The following AUTS2 variants were observed in gnomAD, a reference collection of about 807,000 sequenced individuals.
AUTS2 encodes autism susceptibility gene 2 protein.
AUTS2 carries 17 observed loss-of-function variants against 112.4 expected under a neutral mutation model. That is an observed-to-expected ratio of 0.15 (90% CI 0.10 to 0.23). The LOEUF (loss-of-function observed/expected upper bound fraction) is 0.23, where lower values mean the gene tolerates loss of function less well. Ranked by LOEUF, AUTS2 falls within the 10% of genes least tolerant of loss-of-function variation. AUTS2 has a pLI of 1.00. For synonymous variants in AUTS2, 751 were observed against 702.7 expected, an observed-to-expected ratio of 1.07 and a Z score of -1.09; for missense variants, 1,510 against 1,701.6, an observed-to-expected ratio of 0.89 and a Z score of 1.98.
chr7:70,488,195 T>C (rs1315369745), intron 5 of AUTS2, among the ~76,000 whole-genome samples: 1 of 152,162 alleles, frequency 6.6e-6, no homozygotes, highest in East Asian at 1.9e-4. Context: ...GGAGAGTCGC[T>C]TCATAAGCCC....
intron 5 of AUTS2, among the ~76,000 whole-genome samples, chr7:70,506,332 T>C (rs1057141067): frequency 2.6e-5 from 4 of 152,214 alleles, no homozygotes; most frequent in African/African-American, 9.6e-5. Flanking sequence ...GATGCCCTTA[T>C]GGCAGCGCTT....
Position 69,734,248 on chromosome 7 carries a change from G to C in AUTS2, c.309+134286G>C, listed in dbSNP as rs73706010. On this transcript the variant is annotated intron_variant, in intron 1 of 18. Coordinates refer to ENST00000342771, the MANE Select transcript of AUTS2 (RefSeq NM_015570.4). ...CTTGAAAATTAATTTCCCATTTTCAGCTTAAAACGAAGAGCTCTTCCACGT... is the reference window on the plus strand; with the variant it reads ...CTTGAAAATTAATTTCCCATTTTCACCTTAAAACGAAGAGCTCTTCCACGT... Among the ~76,000 whole-genome samples the C allele has an allele frequency of 3.6e-3, 549 of 151,998 alleles. 6 individuals carry two copies. The highest frequency in any genetic ancestry group is 0.012 in the African/African-American group (509 of 41,468).
At chr7:70,235,962 C>G (rs1158542290) in intron 4 of AUTS2, among the ~76,000 whole-genome samples, 2 of 152,182 alleles carry the variant, frequency 1.3e-5, no homozygotes, top group Non-Finnish European at 2.9e-5. Context: ...CTTTGACCAC[C>G]CTCTGTAAAA....
chr7:70,695,033 C>T (rs966142068), intron 5 of AUTS2: 1 of 152,242 alleles, frequency 6.6e-6, no homozygotes, highest in Non-Finnish European at 1.5e-5. Flanking sequence ...ACCGTTTAAC[C>T]CTTTGCAACC....
At chr7:70,566,663 C>T (rs188615344) in intron 5 of AUTS2, among the ~76,000 whole-genome samples, 1 of 152,082 alleles carries the variant, frequency 6.6e-6, no homozygotes, top group Admixed American at 6.5e-5. Flanking sequence ...TTAGCATGTC[C>T]AAAATATTGA....
chr7:69,955,714 C>T (rs1797184806), intron 2 of AUTS2, among the ~76,000 whole-genome samples: 1 of 152,134 alleles, frequency 6.6e-6, no homozygotes, highest in Non-Finnish European at 1.5e-5. Context: ...GGCCTCAATT[C>T]CCTGTATGGC....
chr7:70,298,445 A>G (rs997098446), intron 4 of AUTS2, among the ~76,000 whole-genome samples: 1 of 152,304 alleles, frequency 6.6e-6, no homozygotes, highest in South Asian at 2.1e-4. Flanking sequence ...ACCACCTTTC[A>G]GTACTTTAAC....
At chr7:70,622,891 G>A (rs951807377) in intron 5 of AUTS2, among the ~76,000 whole-genome samples, 1 of 152,168 alleles carries the variant, frequency 6.6e-6, no homozygotes, top group Non-Finnish European at 1.5e-5. Flanking sequence ...AGAGTTGGGG[G>A]TTGGCCAAAA....
intron 1 of AUTS2, among the ~76,000 whole-genome samples, chr7:69,855,655 C>T (rs1416147797): frequency 2.0e-5 from 3 of 152,196 alleles, no homozygotes; most frequent in Non-Finnish European, 4.4e-5. Context: ...TGTTAATCCA[C>T]GTCACTTTGT....
chr7:70,712,193 C>CTTTTTT lies in AUTS2; in HGVS notation c.742+13602_742+13607dup, dbSNP rs67326941. Among the ~76,000 whole-genome samples the CTTTTTT allele has an allele frequency of 6.0e-4, 27 of 45,178 alleles. 6 individuals are homozygous for CTTTTTT. Among genetic ancestry groups the CTTTTTT allele is most frequent in the African/African-American group, 2.2e-3 (22 of 10,194 alleles). The allele number at this position is 45,178 out of a possible 152,430, so 29.6% of individuals were successfully genotyped here. A position where few individuals can be genotyped will look rare whatever the true frequency, so the allele number is the denominator to read the frequency against. ...GGCACAAGCCACCATGCCTGGCTCA[C>CTTTTTT]TTTTTTTTTTTTTTTTTTTTTTTTT... On this transcript the variant is annotated intron_variant, in intron 6 of 18. Transcript: ENST00000342771.
intron 1 of AUTS2, among the ~76,000 whole-genome samples, chr7:69,637,026 A>G (rs1794580263): frequency 6.6e-6 from 1 of 152,104 alleles, no homozygotes; most frequent in African/African-American, 2.4e-5. Context: ...CGGCCTCCCA[A>G]AGTGCTGGGA....
chr7:70,025,450 C>CTT (rs970909285), intron 2 of AUTS2, among the ~76,000 whole-genome samples: 89 of 134,484 alleles, frequency 6.6e-4, no homozygotes, highest in African/African-American at 2.2e-3. Flanking sequence ...TTTTTGTTTC[C>CTT]TTTTTTTTTT....
At chr7:70,521,973 G>A (rs1325214680) in intron 5 of AUTS2, among the ~76,000 whole-genome samples, 1 of 152,118 alleles carries the variant, frequency 6.6e-6, no homozygotes, top group Non-Finnish European at 1.5e-5. Flanking sequence ...CATATCAGAT[G>A]TTCTTATTAC....
At position 70,781,674 on chromosome 7, in the gene AUTS2, C is replaced by T. The variant is rs1791092315; in HGVS notation, c.2064C>T (p.Ser688=). 3.7e-6 allele frequency: 6 copies of T among 1,614,176 alleles called. No homozygotes were observed. The East Asian group carries it at 1.3e-4, about 36-fold the overall frequency. The change falls in exon 15 of 19, where the codon AGC becomes AGT. Residue 688 remains serine (S), a synonymous_variant. Coordinates refer to ENST00000342771, the MANE Select transcript of AUTS2 (RefSeq NM_015570.4). The stretch of plus-strand genomic sequence containing the variant: ...TTGGACTGAAACCTGAGTTCCTGAG[C>T]CGCCCTCCAGGCCCCAGTCTTTTTG... ...LDFGLKPEFL[S]RPPGPSLFGA...
At chr7:70,258,878 G>T (rs1409366161) in intron 4 of AUTS2, among the ~76,000 whole-genome samples, 1 of 152,116 alleles carries the variant, frequency 6.6e-6, no homozygotes, top group African/African-American at 2.4e-5. Flanking sequence ...CCAATAATCT[G>T]TGAAGCTGGC....
At chr7:70,735,090 G>A (rs914058489) in intron 6 of AUTS2, among the ~76,000 whole-genome samples, 10 of 152,018 alleles carry the variant, frequency 6.6e-5, no homozygotes, top group Admixed American at 1.3e-4. Context: ...GGAAATGGCC[G>A]TCAATTCTGT....
chr7:70,709,949 C>G (rs1251217683), intron 6 of AUTS2, among the ~76,000 whole-genome samples: 1 of 152,088 alleles, frequency 6.6e-6, no homozygotes, highest in Non-Finnish European at 1.5e-5. Flanking sequence ...GGGATTGAGC[C>G]CCGGCACAAG....
intron 6 of AUTS2, among the ~76,000 whole-genome samples, chr7:70,739,495 TA>T (rs34197082): frequency 0.58 from 87,832 of 150,928 alleles, 26,440 homozygotes; most frequent in African/African-American, 0.75. Context: ...TTTTATCTGT[TA>T]AAAAAAAACA....
At chr7:70,485,553 T>G (rs1254967168) in intron 5 of AUTS2, among the ~76,000 whole-genome samples, 3 of 152,044 alleles carry the variant, frequency 2.0e-5, no homozygotes, top group Non-Finnish European at 2.9e-5. Flanking sequence ...CACCAAAATC[T>G]CAGAAATCAC....
Sources: allele counts gnomAD v4.1 joint callset (sites outside exome capture counted in the v4.1 genomes callset), GRCh38; gene constraint gnomAD v4.1.1; transcripts MANE v1.5; gene names NCBI Gene and HGNC (gene_info 2026-07-23, HGNC 2026-07-21).